CCDC142: variants seen among roughly 807,000 people sequenced by gnomAD.
The protein encoded by CCDC142 is coiled-coil domain-containing protein 142.
CCDC142 carries 67 observed loss-of-function variants against 83.8 expected under a neutral mutation model. That is an observed-to-expected ratio of 0.80 (90% confidence interval 0.66 to 0.98). The LOEUF (loss-of-function observed/expected upper bound fraction) is 0.98. CCDC142 is among the 50% of genes least tolerant of loss of function. The pLI, the probability that CCDC142 is intolerant of heterozygous loss-of-function variation, is 0.00. For synonymous variants in CCDC142, 421 were observed against 421.2 expected (o/e 1.00, Z 0.01); for missense variants, 905 against 946.8 (o/e 0.96, Z 0.58).
chr2:74,474,850 A>G, intron 8 of CCDC142, 48 bp from the exon 9 acceptor site: 1 of 1,582,768 alleles, frequency 6.3e-7, no homozygotes, highest in Non-Finnish European at 8.6e-7. Context: ...GATATACTGA[A>G]GCCAGATTAA....
chr2:74,481,161 G>A, intron 3 of CCDC142, 62 bp downstream of exon 3: 1 of 1,611,106 alleles, frequency 6.2e-7, no homozygotes, highest in Admixed American at 1.7e-5. Flanking sequence ...TTTCAGAACA[G>A]AGTGAAAGAA....
rs1672426972 is a variant in CCDC142 at position 74,480,981 on chromosome 2, A to G, written c.1364T>C (p.Leu455Pro). ...AGGTAAGTCCTTTTGGATCAGGAGC[A>G]GGAAGGAAGCTGGGTCCCATGCTGC... ...YLAAWDPASF[L>P]LLIQKDLPPL... The change falls in exon 4 of 9, where the codon CTG becomes CCG. Residue 455 changes from leucine to proline, a missense_variant. Leu to Pro is a moderately conservative substitution (Grantham distance 98, BLOSUM62 -3). Coordinates refer to ENST00000393965, the MANE Select transcript of CCDC142 (RefSeq NM_001365575.2). The G allele has an allele frequency of 3.7e-6, 6 of 1,614,154 alleles. No individual in the cohort carries two copies. The highest frequency in any genetic ancestry group is 1.1e-5 in the South Asian group (1 of 91,078).
rs936510241 is a variant in CCDC142, at chr2:74,475,082, A to T, written c.1830T>A (p.Phe610Leu). ...LQGALQLKQD[F>L]GVVRELLEEE... is the part of the protein sequence containing the mutation. ...CTTCCAGCAACTCCCTGACCACTCCAAAGTCTTGTTTGAGCTGCAGCGCTC... is the reference window on the plus strand; with the variant it reads ...CTTCCAGCAACTCCCTGACCACTCCTAAGTCTTGTTTGAGCTGCAGCGCTC... Residue 610 changes from phenylalanine to leucine, a missense_variant, in exon 8 of 9, where the codon TTT becomes TTA. This residue lies in a region of CCDC142 where 265 missense variants were observed against 288.9 expected (regional missense o/e 0.92). Transcript: ENST00000393965. 5 of 1,612,692 alleles carry T rather than the reference A, an allele frequency of 3.1e-6. No individual in the cohort carries two copies. The African/African-American group carries it at 6.7e-5, about 22-fold the overall frequency.
At chr2:74,475,202 C>T in intron 7 of CCDC142, 23 bp downstream of exon 7, 1 of 1,614,096 alleles carries the variant, frequency 6.2e-7, no homozygotes, top group South Asian at 1.1e-5. Flanking sequence ...TCACCCCCTG[C>T]CACTTCCACC....
chr2:74,476,358 A>G (rs1168130463), intron 5 of CCDC142, among the ~76,000 whole-genome samples: 1 of 152,108 alleles, frequency 6.6e-6, no homozygotes, highest in Non-Finnish European at 1.5e-5. Flanking sequence ...TTTTTAGTAA[A>G]GACAAGGTTT....
intron 5 of CCDC142, among the ~76,000 whole-genome samples, chr2:74,479,532 C>A (rs1367375781): frequency 6.6e-6 from 1 of 152,182 alleles, no homozygotes; most frequent in African/African-American, 2.4e-5. Flanking sequence ...AAACAAAGTG[C>A]TGTTTTTTCA....
chr2:74,472,910 G>A lies in CCDC142; in HGVS notation c.*1636C>T, dbSNP rs1294775428. The A allele has an allele frequency of 1.8e-6, 1 of 562,308 alleles. No individual in the cohort carries two copies. The highest frequency in any genetic ancestry group is 3.2e-5 in the Admixed American group (1 of 30,848). 34.8% of individuals were successfully genotyped at this position (562,308 alleles called of 1,614,324 possible). A position where few individuals can be genotyped will look rare whatever the true frequency, so the allele number is the denominator to read the frequency against. Reference sequence around the variant, plus strand: ...CCTATCATGAATAGTCCTCTCATACGACGGTGAAAACCATAAATAAATGGC... The same window carrying A: ...CCTATCATGAATAGTCCTCTCATACAACGGTGAAAACCATAAATAAATGGC... On this transcript the variant is annotated 3_prime_UTR_variant, in exon 9 of 9. Coordinates refer to ENST00000393965, the MANE Select transcript of CCDC142 (RefSeq NM_001365575.2).
chr2:74,472,978 C>A lies in CCDC142; in HGVS notation c.*1568G>T. 1 of 422,538 alleles carries A rather than the reference C, an allele frequency of 2.4e-6. No homozygotes were observed. Among genetic ancestry groups the A allele is most frequent in the Non-Finnish European group, 4.4e-6 (1 of 227,992 alleles). The allele number at this position is 422,538 out of a possible 1,614,324, so 26.2% of individuals were successfully genotyped here. A position where few individuals can be genotyped will look rare whatever the true frequency, so the allele number is the denominator to read the frequency against. ...CGAAAATACGCCCGTTTTCTGCAGCCTTTCCCCTTCTGTACCCTGCTGGGC... is the reference window on the plus strand; with the variant it reads ...CGAAAATACGCCCGTTTTCTGCAGCATTTCCCCTTCTGTACCCTGCTGGGC... On this transcript the variant is annotated 3_prime_UTR_variant, in exon 9 of 9. Transcript: ENST00000393965.
rs752848574 is a variant in CCDC142, at chr2:74,481,392, G to C, written c.1109-20C>G. 49 of 1,614,042 alleles carry C rather than the reference G, an allele frequency of 3.0e-5. No individual in the cohort carries two copies. The Admixed American group carries it at 5.8e-4, about 19-fold the overall frequency. ...AGAAACCTGAGGATGAGAGAGTATAGTGTGGTGGGGAAGCGGTAACCTGGG... is the reference window on the plus strand; with the variant it reads ...AGAAACCTGAGGATGAGAGAGTATACTGTGGTGGGGAAGCGGTAACCTGGG... On this transcript the variant is annotated intron_variant, in intron 2 of 8. Coordinates refer to ENST00000393965, the MANE Select transcript of CCDC142 (RefSeq NM_001365575.2).
chr2:74,475,530 G>A (rs1672303671), intron 6 of CCDC142, 82 bp downstream of exon 6: 2 of 1,456,174 alleles, frequency 1.4e-6, no homozygotes, highest in East Asian at 2.3e-5. Context: ...TGGAGACAGT[G>A]GAGGGGAACC....
Position 74,475,329 on chromosome 2 carries a change from C to A in CCDC142, c.1692G>T (p.Leu564Phe), listed in dbSNP as rs747862140. The change falls in exon 7 of 9, where the codon TTG becomes TTT. Residue 564 changes from leucine (L) to phenylalanine (F), a missense_variant. By Grantham distance (22) the Leu-to-Phe change is conservative (BLOSUM62 0). Around this residue, in one of 3 missense-constraint regions of CCDC142, gnomAD observed 265 missense variants for 288.9 expected, o/e 0.92. Transcript: ENST00000393965. Reference protein sequence around the residue: ...RTVLEPVLQGLQGLPPQAQAP... With the variant: ...RTVLEPVLQGFQGLPPQAQAP... ...CCTGGGCTTGAGGTGGCAACCCTTG[C>A]AATCCTTGCAACACAGGCTCCAGTA... is the stretch of plus-strand genomic sequence containing the variant. 3 of 1,613,510 alleles carry A rather than the reference C, an allele frequency of 1.9e-6. No individual in the cohort carries two copies. The highest frequency in any genetic ancestry group is 2.5e-6 in the Non-Finnish European group (3 of 1,179,572).
intron 5 of CCDC142, among the ~76,000 whole-genome samples, chr2:74,477,753 G>A (rs1672355596): frequency 6.6e-6 from 1 of 152,164 alleles, no homozygotes; most frequent in Non-Finnish European, 1.5e-5. Flanking sequence ...TGATGAGCCT[G>A]CTCTGGGGCA....
At chr2:74,480,248 T>C (rs1672410931) in intron 5 of CCDC142, among the ~76,000 whole-genome samples, 1 of 152,146 alleles carries the variant, frequency 6.6e-6, no homozygotes, top group Admixed American at 6.5e-5. Context: ...GGGAGTCCAT[T>C]ATACACCTCT....
chr2:74,476,377 T>A (rs906105085), intron 5 of CCDC142, among the ~76,000 whole-genome samples: 8 of 152,188 alleles, frequency 5.3e-5, no homozygotes, highest in African/African-American at 1.7e-4. Context: ...TTTGCCATGT[T>A]GGTCAGGCTG....
rs1672478039 is a variant in CCDC142, at chr2:74,481,744, A to T, written c.1021+73T>A. The stretch of plus-strand genomic sequence containing the variant: ...GGCCTGCTTTTGCCTTCAGGATGGC[A>T]GGTCAGTGAGTTGGCCAAGGGGAAG... On this transcript the variant is annotated intron_variant, in intron 1 of 8. Transcript: ENST00000393965. 9.8e-6 allele frequency: 15 copies of T among 1,523,460 alleles called. No individual in the cohort carries two copies. In the Middle Eastern group the frequency reaches 1.9e-3, roughly 196 times the overall value. The allele number at this position is 1,523,460 out of a possible 1,614,324, so 94.4% of individuals were successfully genotyped here.
intron 5 of CCDC142, among the ~76,000 whole-genome samples, chr2:74,476,047 A>G (rs1672317451): frequency 1.8e-4 from 1 of 5,548 alleles, no homozygotes; most frequent in South Asian, 0.017. Context: ...CCCCCGCAAC[A>G]CACACACACA....
In CCDC142 at chr2:74,482,853, G is replaced by A; in HGVS notation, c.-16C>T. 1.9e-6 allele frequency: 3 copies of A among 1,592,686 alleles called. No individual in the cohort carries two copies. Among genetic ancestry groups the A allele is most frequent in the Non-Finnish European group, 2.6e-6 (3 of 1,176,102 alleles). Reference sequence around the variant, plus strand: ...CCTGGGCCATGGGGCGGCGGGTCCAGAACGAACCTAACGATTCCCACTTCC... The same window carrying A: ...CCTGGGCCATGGGGCGGCGGGTCCAAAACGAACCTAACGATTCCCACTTCC... On this transcript the variant is annotated 5_prime_UTR_variant, in exon 1 of 9. Transcript: ENST00000393965. This position sits in a 1 kb window ranked among gnomAD's most constrained non-coding sequence, Gnocchi z 5.0.
chr2:74,475,612 C>G lies in CCDC142; in HGVS notation c.1618G>C (p.Glu540Gln). 1 of 1,611,924 alleles carries G rather than the reference C, an allele frequency of 6.2e-7. No individual in the cohort carries two copies. Among genetic ancestry groups the G allele is most frequent in the Non-Finnish European group, 8.5e-7 (1 of 1,178,170 alleles). ...GRYWRLRLCP[E>Q]PPSAPSEYAG... Reference sequence around the variant, plus strand: ...AGGAGAAGCTGGGATGAGGAGTTACCAGGACAGAGACGAAGCCGCCAGTAC... The same window carrying G: ...AGGAGAAGCTGGGATGAGGAGTTACGAGGACAGAGACGAAGCCGCCAGTAC... Residue 540 changes from glutamate (E) to glutamine (Q), a missense_variant and splice_region_variant, in exon 6 of 9, where the codon GAA (glutamate) becomes CAA (glutamine). Glu to Gln is a conservative substitution (Grantham distance 29). Around this residue, in one of 3 missense-constraint regions of CCDC142, gnomAD observed 265 missense variants for 288.9 expected, o/e 0.92. Coordinates refer to ENST00000393965, the MANE Select transcript of CCDC142 (RefSeq NM_001365575.2).
rs1265516845 is a variant in CCDC142, at chr2:74,473,076, CCA to C, written c.*1468_*1469del. The C allele has an allele frequency of 1.8e-5, 5 of 272,594 alleles. No individual in the cohort carries two copies. The highest frequency in any genetic ancestry group is 2.9e-5 in the Non-Finnish European group (4 of 139,844). The allele number at this position is 272,594 out of a possible 1,614,324, so 16.9% of individuals were successfully genotyped here. On this transcript the variant is annotated 3_prime_UTR_variant, in exon 9 of 9. Coordinates refer to ENST00000393965, the MANE Select transcript of CCDC142 (RefSeq NM_001365575.2). Reference sequence around the variant, plus strand: ...GAGCACTAACACAAGCCGGGATGATCCACACCAGAAGGTAAACACCATTCAGG... The same window carrying C: ...GAGCACTAACACAAGCCGGGATGATCCACCAGAAGGTAAACACCATTCAGG...
Sources: allele counts gnomAD v4.1 joint callset (sites outside exome capture counted in the v4.1 genomes callset), GRCh38; gene constraint gnomAD v4.1.1; regional missense constraint gnomAD v4.1.1; non-coding constraint Gnocchi (gnomAD v3.1); transcripts MANE v1.5; gene names NCBI Gene and HGNC (gene_info 2026-07-23, HGNC 2026-07-21).